The following LRBA variants were observed in gnomAD, a reference collection of about 807,000 sequenced individuals.
The protein encoded by LRBA is lipopolysaccharide-responsive and beige-like anchor protein.
LRBA carries 176 observed loss-of-function variants against 330.0 expected under a neutral mutation model. The ratio of observed to expected loss-of-function variants is 0.53; its 90% CI spans 0.47 to 0.60. LRBA has a LOEUF of 0.60. Among genes scored for constraint, LRBA ranks in the 20% least tolerant of loss-of-function variants. The pLI is 0.00. For synonymous variants in LRBA, 1,230 were observed against 1,193.0 expected (o/e 1.03, Z -0.64); for missense variants, 3,259 against 3,444.8 (o/e 0.95, Z 1.35).
intron 17 of LRBA, among the ~76,000 whole-genome samples, chr4:150,875,407 T>C (rs1470000036): frequency 2.0e-5 from 3 of 152,088 alleles, no homozygotes; most frequent in East Asian, 3.9e-4. Context: ...TTTGTGCCCT[T>C]CTCCAGAGCA....
chr4:150,736,985 G>A lies in LRBA; in HGVS notation c.5646-1619C>T, dbSNP rs961777324. Among the ~76,000 whole-genome samples the A allele has an allele frequency of 5.3e-5, 8 of 152,096 alleles. No homozygotes were observed. In the East Asian group the frequency reaches 1.3e-3, roughly 26 times the overall value. On this transcript the variant is annotated intron_variant, in intron 35 of 56. Coordinates refer to ENST00000651943, the MANE Select transcript of LRBA (RefSeq NM_001364905.1). ...TCCCAGCACTTTGGGAGGTCCGGGC[G>A]AGAGGATCACATGAGGCCAGTAGTT...
intron 17 of LRBA, among the ~76,000 whole-genome samples, chr4:150,887,793 A>G (rs568183830): frequency 2.7e-5 from 4 of 150,148 alleles, no homozygotes; most frequent in East Asian, 1.9e-4. Context: ...AAAAGAAAGA[A>G]AAAAAAAAGA....
intron 52 of LRBA, among the ~76,000 whole-genome samples, chr4:150,309,259 T>C (rs1482373652): frequency 6.6e-6 from 1 of 152,174 alleles, no homozygotes; most frequent in African/African-American, 2.4e-5. Context: ...TATACTAGTA[T>C]GCTGTACAGA....
At chr4:150,478,453 A>G (rs1756952118) in intron 42 of LRBA, among the ~76,000 whole-genome samples, 1 of 152,186 alleles carries the variant, frequency 6.6e-6, no homozygotes, top group South Asian at 2.1e-4. Flanking sequence ...TTGACTAAAG[A>G]TATTGAATAT....
chr4:150,847,026 C>A (rs1749945656), intron 26 of LRBA, among the ~76,000 whole-genome samples: 1 of 152,002 alleles, frequency 6.6e-6, no homozygotes, highest in African/African-American at 2.4e-5. Context: ...GAAAATGGCA[C>A]ACATAAAGCA....
intron 47 of LRBA, among the ~76,000 whole-genome samples, chr4:150,406,444 C>T (rs1348335468): frequency 2.0e-5 from 3 of 152,010 alleles, no homozygotes; most frequent in Admixed American, 2.0e-4. Context: ...ATGCTATCTA[C>T]AAAAGACATT....
chr4:150,579,910 C>T, intron 40 of LRBA: 1 of 346,914 alleles, frequency 2.9e-6, no homozygotes, highest in Admixed American at 3.8e-5. Flanking sequence ...AGCTCCGCAC[C>T]CTCTATCCCC....
intron 2 of LRBA, among the ~76,000 whole-genome samples, chr4:150,966,475 A>ATTTTTTTTTTTT: frequency 8.7e-6 from 1 of 114,616 alleles, no homozygotes; most frequent in Non-Finnish European, 1.8e-5. Context: ...CACCCAGCTA[A>ATTTTTTTTTTTT]TTTTTTTTTT....
chr4:150,292,961 A>G (rs148164610), intron 53 of LRBA, among the ~76,000 whole-genome samples: 78 of 152,264 alleles, frequency 5.1e-4, no homozygotes, highest in African/African-American at 1.8e-3. Flanking sequence ...CTGAACTTTT[A>G]TAGAGGAAAA....
chr4:150,687,413 T>G (rs1362845660), intron 36 of LRBA, among the ~76,000 whole-genome samples: 2 of 152,114 alleles, frequency 1.3e-5, no homozygotes, highest in Admixed American at 1.3e-4. Context: ...AATCTAAAAC[T>G]TTCATTCAAC....
chr4:150,759,796 G>C (rs1582264646), intron 35 of LRBA, among the ~76,000 whole-genome samples: 1 of 152,014 alleles, frequency 6.6e-6, no homozygotes, highest in Non-Finnish European at 1.5e-5. Context: ...CTGGGACATA[G>C]TGTGTAATAA....
At chr4:150,782,286 C>T (rs1179760461) in intron 34 of LRBA, among the ~76,000 whole-genome samples, 1 of 152,192 alleles carries the variant, frequency 6.6e-6, no homozygotes, top group African/African-American at 2.4e-5. Flanking sequence ...CAGAGACTTT[C>T]AAAGCATTAC....
chr4:150,583,397 T>C lies in LRBA; in HGVS notation c.6330+4651A>G. On this transcript the variant is annotated intron_variant, in intron 40 of 56. Coordinates refer to ENST00000651943, the MANE Select transcript of LRBA (RefSeq NM_001364905.1). This position sits in a 1 kb window ranked among gnomAD's most constrained non-coding sequence, Gnocchi z 9.8. ...GAGTTCATCACGGCGTCGGGCTATC[T>C]CTCAGCGCGTAAGATCCGCTCGCGT... The C allele has an allele frequency of 6.2e-7, 1 of 1,614,008 alleles. No individual in the cohort carries two copies. Among genetic ancestry groups the C allele is most frequent in the Non-Finnish European group, 8.5e-7 (1 of 1,180,016 alleles).
At position 150,568,433 on chromosome 4, in the gene LRBA, C is replaced by A. The variant is rs115813159; in HGVS notation, c.6330+19615G>T. On this transcript the variant is annotated intron_variant, in intron 40 of 56. Transcript: ENST00000651943. ...AATCATTTAATTATTAAACCACTGA[C>A]AATTTTCCCTTCTTTTATTCCCTCC... Among the ~76,000 whole-genome samples the A allele has an allele frequency of 6.3e-3, 962 of 152,258 alleles. 11 individuals carry two copies. Among genetic ancestry groups the A allele is most frequent in the African/African-American group, 0.022 (922 of 41,568 alleles).
chr4:150,580,475 C>T (rs568684679), intron 40 of LRBA: 1 of 152,190 alleles, frequency 6.6e-6, no homozygotes, highest in Admixed American at 6.5e-5. Context: ...TTCACCCGGC[C>T]GGACTTTAAG....
chr4:150,347,602 C>T (rs914843157), intron 48 of LRBA, among the ~76,000 whole-genome samples: 8 of 148,888 alleles, frequency 5.4e-5, no homozygotes, highest in African/African-American at 1.2e-4. Flanking sequence ...GCTGAGCTTG[C>T]GCAACTGCAC....
intron 34 of LRBA, among the ~76,000 whole-genome samples, chr4:150,787,279 C>G (rs756753621): frequency 6.6e-5 from 10 of 151,660 alleles, no homozygotes; most frequent in Non-Finnish European, 1.2e-4. Flanking sequence ...CTACTTTGCT[C>G]TGTAAACAGT....
intron 36 of LRBA, among the ~76,000 whole-genome samples, chr4:150,728,805 A>G (rs1730054663): frequency 6.6e-6 from 1 of 152,184 alleles, no homozygotes; most frequent in South Asian, 2.1e-4. Flanking sequence ...AAGAACATGT[A>G]CTTTCACCAC....
Position 150,850,785 on chromosome 4 carries a change from G to C in LRBA, c.3943C>G (p.His1315Asp). The C allele has an allele frequency of 6.2e-7, 1 of 1,613,222 alleles. No homozygotes were observed. The highest frequency in any genetic ancestry group is 8.5e-7 in the Non-Finnish European group (1 of 1,179,282). Residue 1315 changes from histidine to aspartate, a missense_variant, in exon 24 of 57, where the codon CAT becomes GAT. By Grantham distance (81) the His-to-Asp change is moderately conservative. Coordinates refer to ENST00000651943, the MANE Select transcript of LRBA (RefSeq NM_001364905.1). The stretch of plus-strand genomic sequence containing the variant: ...AATAGATCAGTGAGCAAACGTTGAT[G>C]CATCTGAGACCAGTTGAACTCAGGA... ...RIPEFNWSQM[H>D]QRLLTDLLFS...
Sources: allele counts gnomAD v4.1 joint callset (sites outside exome capture counted in the v4.1 genomes callset), GRCh38; gene constraint gnomAD v4.1.1; non-coding constraint Gnocchi (gnomAD v3.1); transcripts MANE v1.5; gene names NCBI Gene and HGNC (gene_info 2026-07-23, HGNC 2026-07-21).